Variants in NR4A3 observed in about 807,000 individuals in gnomAD.
The protein encoded by NR4A3 is chondrosarcoma, extraskeletal myxoid, fused to EWS.
In NR4A3, 13 loss-of-function variants were observed where a neutral mutation model predicts 55.6. That is an observed-to-expected ratio of 0.23 (90% CI 0.15 to 0.37). The LOEUF (loss-of-function observed/expected upper bound fraction) is 0.37. NR4A3 is among the 10% of genes least tolerant of loss of function. NR4A3 has a pLI of 1.00. For missense variants in NR4A3, 646 were observed against 822.8 expected, an observed-to-expected ratio of 0.79 and a Z score of 2.63; for synonymous variants, 342 against 357.9, an observed-to-expected ratio of 0.96 and a Z score of 0.50.
intron 2 of NR4A3, chr9:99,826,676 C>G (rs753320976): frequency 3.7e-6 from 4 of 1,077,856 alleles, no homozygotes; most frequent in Non-Finnish European, 5.7e-6. Flanking sequence ...TAAGGCCCTG[C>G]TTGTTAAAGA....
chr9:99,833,900 T>C, intron 5 of NR4A3: 2 of 1,226,626 alleles, frequency 1.6e-6, no homozygotes, highest in Non-Finnish European at 2.1e-6. Flanking sequence ...TCAGAGGGAT[T>C]AGACCATTGG....
At chr9:99,833,050 G>T (rs1197971603) in intron 4 of NR4A3, among the ~76,000 whole-genome samples, 1 of 152,142 alleles carries the variant, frequency 6.6e-6, no homozygotes, top group Non-Finnish European at 1.5e-5. Context: ...TTAAGAAGGA[G>T]ACTTTTAGGG....
At position 99,863,719 on chromosome 9, in the gene NR4A3, C is replaced by T. The variant is rs1349158394; in HGVS notation, c.1733C>T (p.Pro578Leu). Residue 578 changes from proline (P) to leucine (L), a missense_variant, in exon 8 of 8, where the codon CCC becomes CTC. Pro to Leu is a moderately conservative substitution (Grantham distance 98). Around this residue, in one of 5 missense-constraint regions of NR4A3, gnomAD observed 163 missense variants for 233.0 expected, o/e 0.70. Transcript: ENST00000395097. ...CAGAGTAAGGGACAGGCTCTGGAGC[C>T]CACCGAGTCCAAGGTCCTGGGTGCC... Reference protein sequence around the residue: ...DHQSKGQALEPTESKVLGALV... With the variant: ...DHQSKGQALELTESKVLGALV... 1 of 1,613,990 alleles carries T rather than the reference C, an allele frequency of 6.2e-7. No homozygotes were observed. The highest frequency in any genetic ancestry group is 2.2e-5 in the East Asian group (1 of 44,822).
chr9:99,852,211 G>T (rs1008131951), intron 7 of NR4A3, among the ~76,000 whole-genome samples: 1 of 152,210 alleles, frequency 6.6e-6, no homozygotes. Context: ...GAAGGAAAGA[G>T]AACAGCAAGG....
chr9:99,842,737 A>C (rs1222424165), intron 5 of NR4A3, among the ~76,000 whole-genome samples: 1 of 152,202 alleles, frequency 6.6e-6, no homozygotes, highest in Non-Finnish European at 1.5e-5. Context: ...CTCAAAAAAA[A>C]AAAAGATCCC....
chr9:99,826,673 C>A, intron 2 of NR4A3: 1 of 1,051,048 alleles, frequency 9.5e-7, no homozygotes, highest in African/African-American at 1.6e-5. Context: ...TTTTAAGGCC[C>A]TGCTTGTTAA....
At position 99,833,382 on chromosome 9, in the gene NR4A3, T is replaced by G; in HGVS notation, c.1182T>G (p.Pro394=). The G allele has an allele frequency of 4.3e-6, 7 of 1,614,132 alleles. No individual in the cohort carries two copies. Among genetic ancestry groups the G allele is most frequent in the Non-Finnish European group, 5.9e-6 (7 of 1,179,990 alleles). The stretch of plus-strand genomic sequence containing the variant: ...CTTCTCAGCCCTCTCCACCTTCTCC[T>G]CCAATCTGCATGATGAATGCCCTTG... The part of the protein sequence containing the change: ...QEPSQPSPPS[P]PICMMNALVR... The change falls in exon 5 of 8, where the codon CCT becomes CCG. Residue 394 remains proline, a synonymous_variant. Transcript: ENST00000395097.
intron 5 of NR4A3, among the ~76,000 whole-genome samples, chr9:99,835,874 C>G (rs1827550387): frequency 6.6e-6 from 1 of 152,188 alleles, no homozygotes; most frequent in Admixed American, 6.5e-5. Context: ...TCCAAAATAG[C>G]AGATTGACCA....
chr9:99,860,319 T>G (rs1400258007), intron 7 of NR4A3, among the ~76,000 whole-genome samples: 2 of 152,178 alleles, frequency 1.3e-5, no homozygotes, highest in African/African-American at 4.8e-5. Context: ...TCCCCTATTC[T>G]TCAGCCCTTT....
chr9:99,863,725 A>G lies in NR4A3; in HGVS notation c.1739A>G (p.Glu580Gly). ...AAGGGACAGGCTCTGGAGCCCACCGAGTCCAAGGTCCTGGGTGCCCTGGTA... is the reference window on the plus strand; with the variant it reads ...AAGGGACAGGCTCTGGAGCCCACCGGGTCCAAGGTCCTGGGTGCCCTGGTA... ...QSKGQALEPT[E>G]SKVLGALVEL... Residue 580 changes from glutamate to glycine, a missense_variant, in exon 8 of 8, where the codon GAG becomes GGG. By Grantham distance (98) the Glu-to-Gly change is moderately conservative. Coordinates refer to ENST00000395097, the MANE Select transcript of NR4A3 (RefSeq NM_006981.4). The G allele has an allele frequency of 1.9e-6, 3 of 1,614,036 alleles. No homozygotes were observed. Among genetic ancestry groups the G allele is most frequent in the Non-Finnish European group, 2.5e-6 (3 of 1,179,976 alleles).
chr9:99,828,639 T>TC lies in NR4A3; in HGVS notation c.603dup (p.Ala202ArgfsTer38). The TC allele has an allele frequency of 3.4e-6, 5 of 1,464,444 alleles. No individual in the cohort carries two copies. Among genetic ancestry groups the TC allele is most frequent in the Admixed American group, 5.0e-5 (2 of 39,608 alleles). 90.7% of individuals were successfully genotyped at this position (1,464,444 alleles called of 1,614,324 possible). A position where few individuals can be genotyped will look rare whatever the true frequency, so the allele number is the denominator to read the frequency against. Reference sequence around the variant, plus strand: ...TCCACTTCAAGCCCTCGCCGCCGCATCCCCCCGCGCCCAGCCCGGCCGGCG... The same window carrying TC: ...TCCACTTCAAGCCCTCGCCGCCGCATCCCCCCCGCGCCCAGCCCGGCCGGCG... On this transcript the variant is annotated frameshift_variant, in exon 3 of 8. Transcript: ENST00000395097. LOFTEE classifies it high-confidence loss of function. The surrounding 1 kb of genome is among the most constrained non-coding windows in gnomAD (Gnocchi z 7.7).
At position 99,866,887 on chromosome 9, in the gene NR4A3, A is replaced by G. The variant is rs1256396476; in HGVS notation, c.*3020A>G. 2.1e-5 allele frequency: 4 copies of G among 187,998 alleles called. No individual in the cohort carries two copies. The highest frequency in any genetic ancestry group is 7.0e-5 in the African/African-American group (3 of 42,816). 11.6% of individuals were successfully genotyped at this position (187,998 alleles called of 1,614,324 possible). A position where few individuals can be genotyped will look rare whatever the true frequency, so the allele number is the denominator to read the frequency against. Reference sequence around the variant, plus strand: ...TAAATGATTAAATTACATTTTATCAATGGCTACTGGTGTATTGAATAAGCC... The same window carrying G: ...TAAATGATTAAATTACATTTTATCAGTGGCTACTGGTGTATTGAATAAGCC... On this transcript the variant is annotated 3_prime_UTR_variant, in exon 8 of 8. Coordinates refer to ENST00000395097, the MANE Select transcript of NR4A3 (RefSeq NM_006981.4).
chr9:99,837,175 T>C (rs1228189045), intron 5 of NR4A3, among the ~76,000 whole-genome samples: 1 of 152,236 alleles, frequency 6.6e-6, no homozygotes, highest in Non-Finnish European at 1.5e-5. Flanking sequence ...TTTCCTTTGC[T>C]GACCATCACA....
At chr9:99,850,212 C>T (rs1450961892) in intron 7 of NR4A3, among the ~76,000 whole-genome samples, 1 of 152,038 alleles carries the variant, frequency 6.6e-6, no homozygotes, top group Non-Finnish European at 1.5e-5. Flanking sequence ...TCCAAAGGAG[C>T]TTGATGGTCA....
intron 5 of NR4A3, among the ~76,000 whole-genome samples, chr9:99,834,487 A>G (rs1460474385): frequency 6.6e-6 from 1 of 152,094 alleles, no homozygotes; most frequent in African/African-American, 2.4e-5. Flanking sequence ...ACTTGAAGGA[A>G]AACAAAAACA....
At chr9:99,847,349 GCTGT>G (rs1827772070) in intron 6 of NR4A3, 84 bp from the exon 7 acceptor site, 1 of 1,275,238 alleles carries the variant, frequency 7.8e-7, no homozygotes, top group Non-Finnish European at 1.1e-6. Flanking sequence ...CTGCCCCATG[GCTGT>G]CTGTGTGCCT....
chr9:99,842,644 C>T (rs1022889754), intron 5 of NR4A3, among the ~76,000 whole-genome samples: 1 of 151,962 alleles, frequency 6.6e-6, no homozygotes, highest in African/African-American at 2.4e-5. Context: ...GGCACGGAAT[C>T]GCTTGAACCC....
At position 99,844,677 on chromosome 9, in the gene NR4A3, G is replaced by A; in HGVS notation, c.1283G>A (p.Gly428Asp). 6.2e-7 allele frequency: 1 copy of A among 1,614,170 alleles called. No homozygotes were observed. The highest frequency in any genetic ancestry group is 8.5e-7 in the Non-Finnish European group (1 of 1,180,030). Residue 428 changes from glycine to aspartate, a missense_variant, in exon 6 of 8, where the codon GGC becomes GAC. Physicochemically the swap from Gly to Asp is moderately conservative, Grantham distance 94. Around this residue, in one of 5 missense-constraint regions of NR4A3, gnomAD observed 163 missense variants for 233.0 expected, o/e 0.70. Coordinates refer to ENST00000395097, the MANE Select transcript of NR4A3 (RefSeq NM_006981.4). Reference protein sequence around the residue: ...RYCPTDQAAAGTDAEHVQQFY... With the variant: ...RYCPTDQAAADTDAEHVQQFY... ...TGTCCCACTGACCAGGCTGCTGCAGGCACAGATGCTGAGCATGTGCAACAA... is the reference window on the plus strand; with the variant it reads ...TGTCCCACTGACCAGGCTGCTGCAGACACAGATGCTGAGCATGTGCAACAA...
chr9:99,828,031 G>A lies in NR4A3; in HGVS notation c.-2-10G>A, dbSNP rs1827340159. On this transcript the variant is annotated splice_polypyrimidine_tract_variant and intron_variant, in intron 2 of 7. Coordinates refer to ENST00000395097, the MANE Select transcript of NR4A3 (RefSeq NM_006981.4). This position sits in a 1 kb window ranked among gnomAD's most constrained non-coding sequence, Gnocchi z 7.7. Reference sequence around the variant, plus strand: ...TTGCTTCTGAGAGACCCTTTTCTCTGTCCCTGCAGATATGCCCTGCGTCCA... The same window carrying A: ...TTGCTTCTGAGAGACCCTTTTCTCTATCCCTGCAGATATGCCCTGCGTCCA... 1 of 1,607,362 alleles carries A rather than the reference G, an allele frequency of 6.2e-7. No homozygotes were observed. Among genetic ancestry groups the A allele is most frequent in the Non-Finnish European group, 8.5e-7 (1 of 1,176,174 alleles).
Sources: gnomAD v4.1 joint callset for allele counts (sites outside exome capture counted in the v4.1 genomes callset) on GRCh38, gnomAD v4.1.1 for gene constraint, gnomAD v4.1.1 regional missense constraint, Gnocchi (gnomAD v3.1) non-coding constraint, MANE v1.5 for transcripts, NCBI Gene and HGNC (gene_info 2026-07-23, HGNC 2026-07-21) for gene names.